The following NBAS variants were observed in gnomAD, a reference collection of about 807,000 sequenced individuals.
NBAS encodes the protein NAG/BC035112 fusion.
In NBAS, 219 loss-of-function variants were observed where a neutral mutation model predicts 302.5. That is an observed-to-expected ratio of 0.72 (90% CI 0.65 to 0.81). The LOEUF is 0.81. Ranked by LOEUF, NBAS falls within the 30% of genes least tolerant of loss-of-function variation. NBAS has a pLI of 0.00. For missense variants in NBAS, 2,932 were observed against 2,841.6 expected (o/e 1.03, Z -0.72); for synonymous variants, 1,118 against 1,021.6 (o/e 1.09, Z -1.80).
intron 48 of NBAS, among the ~76,000 whole-genome samples, chr2:15,213,325 G>A (rs1666505945): frequency 1.3e-5 from 2 of 152,182 alleles, no homozygotes; most frequent in Admixed American, 6.5e-5. Context: ...ACAGTTAATA[G>A]GCATGGCATT....
chr2:15,349,903 T>C (rs368666422), intron 35 of NBAS, among the ~76,000 whole-genome samples: 1 of 152,174 alleles, frequency 6.6e-6, no homozygotes, highest in Non-Finnish European at 1.5e-5. Context: ...TGATGAACAG[T>C]GCAGGTATGA....
the NBAS span, among the ~76,000 whole-genome samples, chr2:14,874,938 G>C: frequency 2.6e-5 from 4 of 151,734 alleles, no homozygotes; most frequent in African/African-American, 9.7e-5. Context: ...AAAATCCTTT[G>C]ACAAAACTCA....
At chr2:15,238,787 T>C in intron 44 of NBAS, 101 bp from the exon 45 acceptor site, 2 of 1,082,922 alleles carry the variant, frequency 1.8e-6, no homozygotes, top group South Asian at 3.2e-5. Flanking sequence ...TTTTTGTATA[T>C]ATGATTTTAA....
chr2:15,224,103 C>T (rs1315115770), intron 47 of NBAS, among the ~76,000 whole-genome samples: 2 of 152,152 alleles, frequency 1.3e-5, no homozygotes, highest in Non-Finnish European at 2.9e-5. Flanking sequence ...ACCATGACAA[C>T]AAAACATGTC....
At chr2:15,106,741 G>T in the NBAS span, among the ~76,000 whole-genome samples, 1 of 151,968 alleles carries the variant, frequency 6.6e-6, no homozygotes, top group South Asian at 2.1e-4. Context: ...TCTGACACAA[G>T]GATTCAAGGG....
In NBAS at chr2:15,352,091, G is replaced by T. The variant is rs1435271781; in HGVS notation, c.4090-10C>A. 4 of 1,572,792 alleles carry T rather than the reference G, an allele frequency of 2.5e-6. No homozygotes were observed. The highest frequency in any genetic ancestry group is 2.6e-6 in the Non-Finnish European group (3 of 1,143,706). On this transcript the variant is annotated splice_polypyrimidine_tract_variant and intron_variant, in intron 34 of 51. Coordinates refer to ENST00000281513, the MANE Select transcript of NBAS (RefSeq NM_015909.4). ...CTCTTTGATAAAGAATCTAAAACAA[G>T]AATAGGCTATATTGTAAAGGAGTTA...
intron 21 of NBAS, among the ~76,000 whole-genome samples, chr2:15,449,873 C>T (rs1186231970): frequency 1.3e-5 from 2 of 152,174 alleles, no homozygotes; most frequent in Non-Finnish European, 2.9e-5. Context: ...AATACAAAGC[C>T]ATTTTATTGT....
chr2:15,374,858 T>A, intron 30 of NBAS, 138 bp from the exon 31 acceptor site: 1 of 720,024 alleles, frequency 1.4e-6, no homozygotes. Context: ...CCTTCTGTTA[T>A]CTTAATCCTC....
At chr2:15,276,110 C>T (rs1199638498) in intron 43 of NBAS, among the ~76,000 whole-genome samples, 2 of 152,156 alleles carry the variant, frequency 1.3e-5, no homozygotes, top group East Asian at 1.9e-4. Context: ...TCGAATCCGC[C>T]GCAGCACCTA....
chr2:14,998,797 A>T, the NBAS span, among the ~76,000 whole-genome samples: 1 of 152,316 alleles, frequency 6.6e-6, no homozygotes, highest in Non-Finnish European at 1.5e-5. Flanking sequence ...TCACTCTCAC[A>T]TCTTCTTGAA....
chr2:15,045,607 CAT>C, the NBAS span, among the ~76,000 whole-genome samples: 1 of 152,090 alleles, frequency 6.6e-6, no homozygotes, highest in African/African-American at 2.4e-5. Context: ...TTAATCAATT[CAT>C]ATGTCAACAA....
intron 32 of NBAS, among the ~76,000 whole-genome samples, chr2:15,363,325 G>A (rs1310634002): frequency 1.3e-5 from 2 of 152,142 alleles, no homozygotes; most frequent in Non-Finnish European, 2.9e-5. Context: ...AACAGACCAG[G>A]TATCTAAACT....
chr2:15,324,433 C>T (rs1337479312), intron 38 of NBAS, among the ~76,000 whole-genome samples: 1 of 152,116 alleles, frequency 6.6e-6, no homozygotes, highest in Admixed American at 6.6e-5. Flanking sequence ...ATTTTATTCC[C>T]TCTTCCTAAA....
intron 25 of NBAS, among the ~76,000 whole-genome samples, chr2:15,413,372 A>AG (rs1385747723): frequency 1.3e-5 from 2 of 152,224 alleles, no homozygotes; most frequent in Non-Finnish European, 2.9e-5. Context: ...CAGAAAGCAA[A>AG]GGGGGAGAGA....
chr2:15,432,763 T>C (rs767527848), intron 21 of NBAS, among the ~76,000 whole-genome samples: 17 of 152,144 alleles, frequency 1.1e-4, no homozygotes, highest in Non-Finnish European at 2.2e-4. Flanking sequence ...TACACTGTGG[T>C]TGACATCACT....
chr2:14,986,082 G>C, the NBAS span, among the ~76,000 whole-genome samples: 1 of 152,124 alleles, frequency 6.6e-6, no homozygotes, highest in Non-Finnish European at 1.5e-5. Flanking sequence ...GTAAATTGTG[G>C]ATGTTAATCA....
chr2:15,276,772 G>C, intron 43 of NBAS, 79 bp downstream of exon 43: 1 of 1,604,768 alleles, frequency 6.2e-7, no homozygotes, highest in Non-Finnish European at 8.5e-7. Context: ...CATAATGCAT[G>C]AACAGGATTG....
the NBAS span, among the ~76,000 whole-genome samples, chr2:15,030,692 A>G: frequency 6.6e-4 from 101 of 152,316 alleles, no homozygotes; most frequent in Middle Eastern, 0.01. Context: ...TCATTAATAC[A>G]GCTTTTGGCA....
the NBAS span, among the ~76,000 whole-genome samples, chr2:14,873,575 G>C: frequency 6.6e-6 from 1 of 151,334 alleles, no homozygotes; most frequent in Non-Finnish European, 1.5e-5. Flanking sequence ...TGATAAAACA[G>C]ATTTTAATAC....
Sources: allele counts gnomAD v4.1 joint callset (sites outside exome capture counted in the v4.1 genomes callset), GRCh38; gene constraint gnomAD v4.1.1; transcripts MANE v1.5; gene names NCBI Gene and HGNC (gene_info 2026-07-23, HGNC 2026-07-21).